Variants in CHM observed in about 807,000 individuals in gnomAD.
CHM encodes the protein CHM Rab escort protein, also known as rab proteins geranylgeranyltransferase component A 1.
In CHM, 10 loss-of-function variants were observed where a neutral mutation model predicts 49.0. The ratio of observed to expected loss-of-function variants is 0.20; its 90% CI spans 0.13 to 0.35. The LOEUF is 0.35. Among genes scored for constraint, CHM ranks in the 10% least tolerant of loss-of-function variants. The pLI, the probability that CHM is intolerant of heterozygous loss-of-function variation, is 1.00. For synonymous variants in CHM, 184 were observed against 167.5 expected, an observed-to-expected ratio of 1.10 and a Z score of -0.76; for missense variants, 455 against 478.4, an observed-to-expected ratio of 0.95 and a Z score of 0.46.
At chrX:86,004,413 T>C (rs773129761) in intron 2 of CHM, among the ~76,000 whole-genome samples, 1 of 111,731 alleles carries the variant, frequency 9.0e-6, no homozygotes, top group African/African-American at 3.3e-5. Context: ...CACATAACAA[T>C]ATTAACCTCA....
intron 2 of CHM, among the ~76,000 whole-genome samples, chrX:86,007,720 C>T (rs2147760546): frequency 8.9e-6 from 1 of 112,172 alleles, no homozygotes; most frequent in East Asian, 2.8e-4. Context: ...CCAACTCATA[C>T]CAGTTAGAAT....
At chrX:86,033,210 T>C (rs1934109485) in intron 1 of CHM, among the ~76,000 whole-genome samples, 1 of 111,519 alleles carries the variant, frequency 9.0e-6, no homozygotes. Flanking sequence ...ACACTATGCT[T>C]ACACGAGATA....
At chrX:85,895,137 T>C (rs1569402789) in intron 11 of CHM, among the ~76,000 whole-genome samples, 2 of 84,086 alleles carry the variant, frequency 2.4e-5, no homozygotes, top group Non-Finnish European at 4.7e-5. Flanking sequence ...TTTTTTTTTG[T>C]TTTTTTTTTT....
At chrX:85,911,139 A>ATG (rs1926916995) in intron 9 of CHM, 122 bp downstream of exon 9, 1 of 4,789 alleles carries the variant, frequency 2.1e-4, no homozygotes, top group Non-Finnish European at 4.7e-4. Context: ...GTATATATAT[A>ATG]TATATATATA....
chrX:85,948,385 T>C (rs917339388), intron 8 of CHM, among the ~76,000 whole-genome samples: 4 of 111,872 alleles, frequency 3.6e-5, no homozygotes, highest in Admixed American at 9.5e-5. Context: ...GAAAAATATA[T>C]AGGTTTTAAT....
Position 85,956,244 on chromosome X carries a change from T to G in CHM, c.1075A>C (p.Lys359Gln), listed in dbSNP as rs1348176148. 2 of 1,211,571 alleles carry G rather than the reference T, an allele frequency of 1.7e-6. No individual in the cohort carries two copies. The highest frequency in any genetic ancestry group is 4.3e-5 in the Admixed American group (2 of 46,005). Reference protein sequence around the residue: ...SSTIDGLKATKNFLHCLGRYG... With the variant: ...SSTIDGLKATQNFLHCLGRYG... ...CGCCCAAGACAGTGAAGAAAGTTTT[T>G]GGTAGCTTTGAGACCATCTATGGTG... The change falls in exon 8 of 15, where the codon AAA becomes CAA. Residue 359 changes from lysine (K) to glutamine (Q), a missense_variant. Coordinates refer to ENST00000357749, the MANE Select transcript of CHM (RefSeq NM_000390.4).
At chrX:85,931,150 A>T (rs1394477511) in intron 8 of CHM, among the ~76,000 whole-genome samples, 1 of 111,420 alleles carries the variant, frequency 9.0e-6, no homozygotes, top group Admixed American at 9.6e-5. Context: ...ATAATTATTA[A>T]TTTAAATTTT....
rs749819364 is a variant in CHM at position 85,958,547 on chromosome X, G to A, written c.819+314C>T. ...GATCAAGTGGACAGCAAAAATCACC[G>A]TTTCTTTCTTTTCCCTCTCCAAAAT... On this transcript the variant is annotated intron_variant, in intron 6 of 14. Coordinates refer to ENST00000357749, the MANE Select transcript of CHM (RefSeq NM_000390.4). 1.7e-4 allele frequency among the ~76,000 whole-genome samples: 19 copies of A among 111,065 alleles called. No homozygotes were observed. In the South Asian group the frequency reaches 1.9e-3, roughly 11 times the overall value.
At chrX:85,866,555 G>A (rs1425001256) in intron 14 of CHM, among the ~76,000 whole-genome samples, 1 of 112,833 alleles carries the variant, frequency 8.9e-6, no homozygotes, top group Non-Finnish European at 1.9e-5. Context: ...GGAGCTGTAA[G>A]AAGAGGGCCA....
chrX:85,895,436 G>A (rs769913343), intron 11 of CHM, among the ~76,000 whole-genome samples: 3 of 110,855 alleles, frequency 2.7e-5, no homozygotes, highest in Non-Finnish European at 5.7e-5. Flanking sequence ...GAGCCACTGC[G>A]CCCGACCCAG....
At chrX:85,990,376 T>G (rs1932121020) in intron 2 of CHM, among the ~76,000 whole-genome samples, 1 of 111,462 alleles carries the variant, frequency 9.0e-6, no homozygotes, top group Non-Finnish European at 1.9e-5. Context: ...AATATAACTT[T>G]TGGATACTGC....
intron 1 of CHM, among the ~76,000 whole-genome samples, chrX:86,029,742 G>A (rs1933967992): frequency 1.8e-5 from 2 of 111,124 alleles, no homozygotes; most frequent in Admixed American, 1.9e-4. Context: ...AAATGAAACA[G>A]GCATGGTCTC....
At chrX:85,883,456 T>C (rs1924884814) in intron 12 of CHM, among the ~76,000 whole-genome samples, 1 of 111,471 alleles carries the variant, frequency 9.0e-6, no homozygotes, top group African/African-American at 3.3e-5. Context: ...AGTTTGATGA[T>C]ATATGACACA....
chrX:85,939,985 A>T (rs886478518), intron 8 of CHM, among the ~76,000 whole-genome samples: 5 of 111,660 alleles, frequency 4.5e-5, no homozygotes, highest in Admixed American at 1.9e-4. Context: ...GAACTACCTG[A>T]GACTGGGTAA....
chrX:86,042,112 ACAT>A (rs1934489337), intron 1 of CHM, among the ~76,000 whole-genome samples: 1 of 111,089 alleles, frequency 9.0e-6, no homozygotes, highest in Admixed American at 9.6e-5. Flanking sequence ...TGCTATTCCA[ACAT>A]CATCATAAGT....
chrX:86,018,873 C>T (rs1933415005), intron 2 of CHM, among the ~76,000 whole-genome samples: 2 of 111,942 alleles, frequency 1.8e-5, no homozygotes, highest in Admixed American at 1.9e-4. Flanking sequence ...GGGTTAGGAA[C>T]TGAAGGCAGG....
intron 1 of CHM, among the ~76,000 whole-genome samples, chrX:86,044,038 A>T (rs1318719268): frequency 8.9e-6 from 1 of 112,183 alleles, no homozygotes; most frequent in Non-Finnish European, 1.9e-5. Flanking sequence ...ATGCAGGCTG[A>T]ATGTCTACAT....
At chrX:85,866,493 A>C (rs1369165977) in intron 14 of CHM, among the ~76,000 whole-genome samples, 1 of 112,889 alleles carries the variant, frequency 8.9e-6, no homozygotes, top group African/African-American at 3.2e-5. Context: ...TGCTGAAGGG[A>C]AATGTGGGCT....
intron 2 of CHM, among the ~76,000 whole-genome samples, chrX:85,988,324 C>A (rs1603271855): frequency 8.9e-6 from 1 of 111,856 alleles, no homozygotes; most frequent in Non-Finnish European, 1.9e-5. Flanking sequence ...GTTAAAAACT[C>A]TCAGCACACT....
Sources: gnomAD v4.1 joint callset for allele counts (sites outside exome capture counted in the v4.1 genomes callset) on GRCh38, gnomAD v4.1.1 for gene constraint, MANE v1.5 for transcripts, NCBI Gene and HGNC (gene_info 2026-07-23, HGNC 2026-07-21) for gene names.